The following HIVEP3 variants were observed in gnomAD, a reference collection of about 807,000 sequenced individuals.
The protein encoded by HIVEP3 is HIVEP zinc finger 3.
HIVEP3 carries 49 observed loss-of-function variants against 152.8 expected under a neutral mutation model. The observed-to-expected ratio is 0.32, with a 90% CI of 0.26 to 0.41. The LOEUF (loss-of-function observed/expected upper bound fraction) is 0.41. HIVEP3 is among the 10% of genes least tolerant of loss of function. The pLI, the probability that HIVEP3 is intolerant of heterozygous loss-of-function variation, is 1.00. For missense variants in HIVEP3, 2,790 were observed against 3,103.3 expected (o/e 0.90, Z 2.40); for synonymous variants, 1,269 against 1,289.0 (o/e 0.98, Z 0.33).
intron 1 of HIVEP3, among the ~76,000 whole-genome samples, chr1:41,994,163 A>G (rs1645381189): frequency 6.6e-6 from 1 of 151,996 alleles, no homozygotes; most frequent in Non-Finnish European, 1.5e-5. Context: ...TAAAAGAAAA[A>G]AATAAAAATA....
intron 1 of HIVEP3, among the ~76,000 whole-genome samples, chr1:41,799,359 T>C (rs1293855166): frequency 6.6e-6 from 1 of 152,202 alleles, no homozygotes; most frequent in Non-Finnish European, 1.5e-5. Context: ...TCCTTAAACA[T>C]GCTGTCTTAT....
chr1:41,524,547 G>A (rs972144469), intron 6 of HIVEP3, among the ~76,000 whole-genome samples, 188 bp downstream of exon 6: 2 of 152,152 alleles, frequency 1.3e-5, no homozygotes, highest in African/African-American at 4.8e-5. Context: ...GGGCAGCCAT[G>A]GGGAGCCACA....
In HIVEP3 at chr1:41,693,299, A is replaced by G. The variant is rs928128567; in HGVS notation, c.-721+7617T>C. ...GAAAATGTGTATCAATTCGTGACCC[A>G]CTAAACAGTGCTCCAGTGTTCCTGT... On this transcript the variant is annotated intron_variant, in intron 2 of 8. Coordinates refer to ENST00000372583, the MANE Select transcript of HIVEP3 (RefSeq NM_024503.5). 2.0e-5 allele frequency among the ~76,000 whole-genome samples: 3 copies of G among 152,218 alleles called. No individual in the cohort carries two copies. In the East Asian group the frequency reaches 5.8e-4, roughly 29 times the overall value.
intron 1 of HIVEP3, among the ~76,000 whole-genome samples, chr1:41,754,478 T>A (rs1647228621): frequency 6.6e-6 from 1 of 152,198 alleles, no homozygotes; most frequent in Non-Finnish European, 1.5e-5. Context: ...AACTTTTGAG[T>A]ACAATTTGAA....
intron 5 of HIVEP3, among the ~76,000 whole-genome samples, chr1:41,527,148 A>T (rs1642986717): frequency 8.1e-6 from 1 of 123,992 alleles, no homozygotes; most frequent in Non-Finnish European, 1.7e-5. Context: ...ACACACCCTC[A>T]CATGCTCATC....
chr1:41,621,475 C>A (rs1000697458), intron 3 of HIVEP3, among the ~76,000 whole-genome samples: 10 of 152,234 alleles, frequency 6.6e-5, no homozygotes, highest in African/African-American at 2.2e-4. Context: ...GTCCACTCCC[C>A]ACCCTGAGCT....
chr1:42,003,786 CAAAAA>C (rs112079993), intron 1 of HIVEP3, among the ~76,000 whole-genome samples: 1 of 104,220 alleles, frequency 9.6e-6, no homozygotes, highest in Non-Finnish European at 2.1e-5. Context: ...CTTTTTAGGG[CAAAAA>C]AAAAAAAAAG....
intron 1 of HIVEP3, among the ~76,000 whole-genome samples, chr1:41,929,070 G>A (rs1383405728): frequency 6.6e-6 from 1 of 152,104 alleles, no homozygotes; most frequent in Non-Finnish European, 1.5e-5. Flanking sequence ...CACACACCAT[G>A]TTTCTCAAAC....
rs770174463 is a variant in HIVEP3 at position 41,511,007 on chromosome 1, A to G, written c.6665T>C (p.Val2222Ala). ...TLLPGPTAAW[V>A]SGFSGGGSDL... ...GCTGCCACCCCCGGAGAAGCCACTG[A>G]CCCAGGCTGCGGTGGGCCCTGGCAG... The change falls in exon 9 of 9, where the codon GTC (valine) becomes GCC (alanine). Residue 2222 changes from valine (V) to alanine (A), a missense_variant. Val to Ala is a moderately conservative substitution (Grantham distance 64, BLOSUM62 0). Coordinates refer to ENST00000372583, the MANE Select transcript of HIVEP3 (RefSeq NM_024503.5). This position sits in a 1 kb window ranked among gnomAD's most constrained non-coding sequence, Gnocchi z 4.9. 2 of 1,613,284 alleles carry G rather than the reference A, an allele frequency of 1.2e-6. No homozygotes were observed. Among genetic ancestry groups the G allele is most frequent in the South Asian group, 2.2e-5 (2 of 91,034 alleles).
At chr1:41,631,403 A>G (rs1645191982) in intron 2 of HIVEP3, among the ~76,000 whole-genome samples, 1 of 152,164 alleles carries the variant, frequency 6.6e-6, no homozygotes, top group African/African-American at 2.4e-5. Flanking sequence ...GGCACGGCCC[A>G]CGTAACTGCT....
chr1:41,945,233 G>T (rs751627257), intron 1 of HIVEP3, among the ~76,000 whole-genome samples: 1 of 152,174 alleles, frequency 6.6e-6, no homozygotes, highest in South Asian at 2.1e-4. Context: ...CAACCCAAAC[G>T]GTACAAAAGG....
At chr1:41,995,150 G>A (rs530015027) in intron 1 of HIVEP3, among the ~76,000 whole-genome samples, 2 of 151,668 alleles carry the variant, frequency 1.3e-5, no homozygotes, top group South Asian at 2.1e-4. Context: ...TGTTGATCAC[G>A]AGTACCCAGT....
At chr1:41,589,083 G>A (rs925719424) in intron 3 of HIVEP3, among the ~76,000 whole-genome samples, 3 of 152,208 alleles carry the variant, frequency 2.0e-5, no homozygotes, top group Non-Finnish European at 1.5e-5. Flanking sequence ...CTGTGGTTCT[G>A]AGGGTATGTG....
At chr1:41,899,428 T>C (rs1020529362) in intron 1 of HIVEP3, among the ~76,000 whole-genome samples, 4 of 152,192 alleles carry the variant, frequency 2.6e-5, no homozygotes, top group Non-Finnish European at 4.4e-5. Context: ...TATTTAGAGA[T>C]GGAGTTTCGT....
chr1:41,739,691 C>T (rs1341199565), intron 1 of HIVEP3, among the ~76,000 whole-genome samples: 1 of 152,252 alleles, frequency 6.6e-6, no homozygotes, highest in Non-Finnish European at 1.5e-5. Context: ...CAACCCCAGA[C>T]TCCCAGTATC....
intron 2 of HIVEP3, among the ~76,000 whole-genome samples, chr1:41,692,001 T>A (rs940837588): frequency 1.3e-5 from 2 of 151,770 alleles, no homozygotes; most frequent in Admixed American, 1.3e-4. Flanking sequence ...TGCGCCACCA[T>A]GCCCAGATAA....
chr1:41,958,425 T>A (rs1171771216), intron 1 of HIVEP3, among the ~76,000 whole-genome samples: 1 of 152,308 alleles, frequency 6.6e-6, no homozygotes, highest in African/African-American at 2.4e-5. Context: ...AGTGACCATA[T>A]GGGCAGAGCT....
chr1:41,565,500 C>A (rs1644147003), intron 5 of HIVEP3, among the ~76,000 whole-genome samples: 1 of 151,570 alleles, frequency 6.6e-6, no homozygotes, highest in South Asian at 2.1e-4. Flanking sequence ...AAACTCCAGA[C>A]ATGTGTAACT....
chr1:41,658,741 T>C (rs1645667813), intron 2 of HIVEP3, among the ~76,000 whole-genome samples: 1 of 152,000 alleles, frequency 6.6e-6, no homozygotes, highest in Non-Finnish European at 1.5e-5. Flanking sequence ...GTCCACAGAG[T>C]GAACAGGATA....
Sources: gnomAD v4.1 joint callset for allele counts (sites outside exome capture counted in the v4.1 genomes callset) on GRCh38, gnomAD v4.1.1 for gene constraint, Gnocchi (gnomAD v3.1) non-coding constraint, MANE v1.5 for transcripts, NCBI Gene and HGNC (gene_info 2026-07-23, HGNC 2026-07-21) for gene names.